The following TMEM132B variants were observed in gnomAD, a reference collection of about 807,000 sequenced individuals.
TMEM132B encodes the protein transmembrane protein 132B.
In TMEM132B, 18 loss-of-function variants were observed where a neutral mutation model predicts 90.8. That is an observed-to-expected ratio of 0.20 (90% CI 0.14 to 0.29). The LOEUF (loss-of-function observed/expected upper bound fraction) is 0.29, where lower values mean the gene tolerates loss of function less well. Among genes scored for constraint, TMEM132B ranks in the 10% least tolerant of loss-of-function variants. The pLI is 1.00. For synonymous variants in TMEM132B, 504 were observed against 523.3 expected (o/e 0.96, Z 0.50); for missense variants, 1,096 against 1,326.8 (o/e 0.83, Z 2.70).
intron 3 of TMEM132B, among the ~76,000 whole-genome samples, chr12:125,462,828 C>A (rs940612543): frequency 6.6e-6 from 1 of 152,200 alleles, no homozygotes; most frequent in Non-Finnish European, 1.5e-5. Context: ...AACCTGTGAA[C>A]TTTTGGTCGT....
intron 3 of TMEM132B, among the ~76,000 whole-genome samples, chr12:125,417,977 A>T (rs1880064527): frequency 6.6e-6 from 1 of 152,158 alleles, no homozygotes; most frequent in Non-Finnish European, 1.5e-5. Flanking sequence ...TGGGCAGCAG[A>T]TGCTGATGGG....
chr12:125,514,470 A>T (rs916516678), intron 3 of TMEM132B, among the ~76,000 whole-genome samples: 1 of 152,168 alleles, frequency 6.6e-6, no homozygotes, highest in African/African-American at 2.4e-5. Flanking sequence ...ATCACTCAGT[A>T]GTTTACCTTG....
intron 1 of TMEM132B, among the ~76,000 whole-genome samples, chr12:125,315,877 A>T (rs1876255392): frequency 6.6e-6 from 1 of 152,142 alleles, no homozygotes; most frequent in African/African-American, 2.4e-5. Flanking sequence ...CCAGAGACTG[A>T]GGATGCTCTG....
intron 4 of TMEM132B, among the ~76,000 whole-genome samples, chr12:125,547,045 T>C (rs1406984400): frequency 6.6e-6 from 1 of 152,166 alleles, no homozygotes; most frequent in African/African-American, 2.4e-5. Context: ...TTCACTATCA[T>C]GAGAACAGGA....
At chr12:125,616,075 C>G (rs1885978113) in intron 5 of TMEM132B, among the ~76,000 whole-genome samples, 1 of 149,568 alleles carries the variant, frequency 6.7e-6, no homozygotes, top group Non-Finnish European at 1.5e-5. Flanking sequence ...TCTCATAATG[C>G]TATCCCTCTC....
chr12:125,560,831 C>CAA (rs58083131), intron 4 of TMEM132B, among the ~76,000 whole-genome samples: 1,475 of 29,238 alleles, frequency 0.05, 584 homozygotes, highest in African/African-American at 0.083. Context: ...GACTCTGTCT[C>CAA]AAAAAAAAAA....
intron 3 of TMEM132B, among the ~76,000 whole-genome samples, chr12:125,506,160 TC>T (rs1415308518): frequency 1.3e-5 from 2 of 152,228 alleles, no homozygotes; most frequent in Non-Finnish European, 2.9e-5. Context: ...ATTGTAAACT[TC>T]TGAACAACAG....
chr12:125,276,625 G>A, intron 1 of TMEM132B, among the ~76,000 whole-genome samples: 1 of 152,200 alleles, frequency 6.6e-6, no homozygotes, highest in East Asian at 1.9e-4. Flanking sequence ...GAGTGCATTT[G>A]TGTGGGTGTG....
At chr12:125,491,321 G>T (rs141711016) in intron 3 of TMEM132B, among the ~76,000 whole-genome samples, 22 of 150,266 alleles carry the variant, frequency 1.5e-4, no homozygotes, top group African/African-American at 5.1e-4. Flanking sequence ...TTAGAGATGG[G>T]GTCTCACTCT....
At chr12:125,388,277 A>C (rs141375535) in intron 2 of TMEM132B, among the ~76,000 whole-genome samples, 3 of 152,150 alleles carry the variant, frequency 2.0e-5, no homozygotes, top group African/African-American at 7.2e-5. Flanking sequence ...AAAATACACA[A>C]AAGTAGCTGG....
At chr12:125,402,285 G>T (rs1007075734) in intron 2 of TMEM132B, among the ~76,000 whole-genome samples, 1 of 152,196 alleles carries the variant, frequency 6.6e-6, no homozygotes, top group Non-Finnish European at 1.5e-5. Context: ...CACCACCCGG[G>T]TTCAAGCAAT....
At chr12:125,396,831 A>G (rs1879182227) in intron 2 of TMEM132B, among the ~76,000 whole-genome samples, 1 of 152,128 alleles carries the variant, frequency 6.6e-6, no homozygotes, top group Non-Finnish European at 1.5e-5. Context: ...AATATGCCCA[A>G]TTTTACAGGT....
intron 4 of TMEM132B, among the ~76,000 whole-genome samples, chr12:125,575,165 A>G (rs1884913782): frequency 2.0e-5 from 3 of 147,184 alleles, no homozygotes; most frequent in South Asian, 2.1e-4. Flanking sequence ...CAGCAGTCAC[A>G]CAATTTTACA....
In TMEM132B at chr12:125,459,120, C is replaced by G. The variant is rs1881370930; in HGVS notation, c.1106+43443C>G. Among the ~76,000 whole-genome samples the G allele has an allele frequency of 6.6e-6, 1 of 152,168 alleles. No homozygotes were observed. The stretch of plus-strand genomic sequence containing the variant: ...TGGAGCCAACGAGGCCCCTGAGGCT[C>G]CCTGCTAATTGCTGTTTCTCATGTG... On this transcript the variant is annotated intron_variant, in intron 3 of 8. Transcript: ENST00000682704. The surrounding 1 kb of genome is among the most constrained non-coding windows in gnomAD (Gnocchi z 4.1).
intron 2 of TMEM132B, among the ~76,000 whole-genome samples, chr12:125,355,366 G>T (rs1877732088): frequency 6.6e-6 from 1 of 152,114 alleles, no homozygotes; most frequent in Admixed American, 6.5e-5. Flanking sequence ...GGAGCTGGAG[G>T]CAGGATAGCT....
At chr12:125,264,345 A>T (rs1874637779) in intron 1 of TMEM132B, among the ~76,000 whole-genome samples, 1 of 152,198 alleles carries the variant, frequency 6.6e-6, no homozygotes, top group South Asian at 2.1e-4. Context: ...TTGTCTTATA[A>T]AGTAACATAT....
intron 7 of TMEM132B, among the ~76,000 whole-genome samples, 178 bp downstream of exon 7, chr12:125,651,131 A>C (rs1308311783): frequency 6.6e-6 from 1 of 152,248 alleles, no homozygotes; most frequent in African/African-American, 2.4e-5. Flanking sequence ...GCAATAGAGC[A>C]TTCACCAATT....
chr12:125,484,766 ATTTTTAAAACAAT>A, intron 3 of TMEM132B, among the ~76,000 whole-genome samples: 1 of 152,114 alleles, frequency 6.6e-6, no homozygotes, highest in East Asian at 1.9e-4. Flanking sequence ...TGCCCAGCTA[ATTTTTAAAACAAT>A]TTTTTAGTAG....
At chr12:125,567,350 T>C (rs1198831189) in intron 4 of TMEM132B, among the ~76,000 whole-genome samples, 1 of 152,126 alleles carries the variant, frequency 6.6e-6, no homozygotes, top group Non-Finnish European at 1.5e-5. Flanking sequence ...TCTCTTTCTC[T>C]CTCTTTAGGA....
Sources: gnomAD v4.1 joint callset for allele counts (sites outside exome capture counted in the v4.1 genomes callset) on GRCh38, gnomAD v4.1.1 for gene constraint, Gnocchi (gnomAD v3.1) non-coding constraint, MANE v1.5 for transcripts, NCBI Gene and HGNC (gene_info 2026-07-23, HGNC 2026-07-21) for gene names.